Variants in INSL6 observed in about 807,000 individuals in gnomAD.
The protein encoded by INSL6 is insulin like 6.
A neutral mutation model predicts 9.4 loss-of-function variants in INSL6; 16 were observed. The ratio of observed to expected loss-of-function variants is 1.70; its 90% CI spans 1.15 to 2.59. INSL6 has a LOEUF of 2.59. Among genes scored for constraint, INSL6 ranks in the 30% most tolerant of loss-of-function variants. The pLI is 0.00. For missense variants in INSL6, 391 were observed against 257.3 expected (o/e 1.52, Z -3.56); for synonymous variants, 154 against 96.9 (o/e 1.59, Z -3.46).
At chr9:5,022,238 C>T in the INSL6 span, 1 of 1,500,016 alleles carries the variant, frequency 6.7e-7, no homozygotes, top group Non-Finnish European at 9.3e-7. Context: ...ACAGCATTTT[C>T]CTTTTTATGC....
the INSL6 span, among the ~76,000 whole-genome samples, chr9:5,006,951 A>G: frequency 6.6e-6 from 1 of 152,128 alleles, no homozygotes; most frequent in Non-Finnish European, 1.5e-5. Context: ...ACATGTTTCA[A>G]TATTGTAAGC....
chr9:5,067,150 A>C, the INSL6 span, among the ~76,000 whole-genome samples: 1 of 152,142 alleles, frequency 6.6e-6, no homozygotes, highest in African/African-American at 2.4e-5. Flanking sequence ...ATCGGAAGCA[A>C]ATTTTCTGTT....
At chr9:5,177,306 A>G (rs1246195613) in intron 1 of INSL6, among the ~76,000 whole-genome samples, 2 of 152,184 alleles carry the variant, frequency 1.3e-5, no homozygotes, top group Admixed American at 6.5e-5. Context: ...CCCTCAGCCA[A>G]GGAAAGTGGT....
At chr9:5,032,232 G>C in the INSL6 span, among the ~76,000 whole-genome samples, 3 of 152,256 alleles carry the variant, frequency 2.0e-5, no homozygotes, top group African/African-American at 4.8e-5. Context: ...GGGTTGAGTA[G>C]GTAAACAAAG....
At chr9:5,055,277 G>A in the INSL6 span, among the ~76,000 whole-genome samples, 1 of 151,904 alleles carries the variant, frequency 6.6e-6, no homozygotes, top group Non-Finnish European at 1.5e-5. Context: ...TTTATTTTAG[G>A]TTTGCATTGC....
At chr9:5,144,331 G>C (rs1034460982) in intron 2 of INSL6, among the ~76,000 whole-genome samples, 2 of 152,142 alleles carry the variant, frequency 1.3e-5, no homozygotes, top group Non-Finnish European at 2.9e-5. Flanking sequence ...TTTCTTAGTA[G>C]TGATTTCGAA....
At chr9:5,040,011 T>G in the INSL6 span, among the ~76,000 whole-genome samples, 13 of 152,166 alleles carry the variant, frequency 8.5e-5, no homozygotes, top group African/African-American at 3.1e-4. Flanking sequence ...TAAAACAATC[T>G]TGAAACAATA....
At chr9:5,112,435 CAAG>C in the INSL6 span, 3 of 517,934 alleles carry the variant, frequency 5.8e-6, no homozygotes, top group Non-Finnish European at 1.1e-5. Context: ...GCTGACCACT[CAAG>C]AGGAGAAGAA....
intron 3 of INSL6, among the ~76,000 whole-genome samples, chr9:5,125,485 T>G (rs1564028810): frequency 2.0e-5 from 3 of 151,466 alleles, no homozygotes; most frequent in African/African-American, 7.2e-5. Context: ...AACATCCTCA[T>G]GCATAAATAT....
At chr9:5,085,241 C>T in the INSL6 span, 4 of 672,794 alleles carry the variant, frequency 5.9e-6, no homozygotes, top group South Asian at 4.1e-5. Context: ...AGGACAGGAC[C>T]AGTGGCTAAC....
chr9:5,010,123 A>G, the INSL6 span, among the ~76,000 whole-genome samples: 1 of 152,038 alleles, frequency 6.6e-6, no homozygotes, highest in Non-Finnish European at 1.5e-5. Context: ...TTCTAGTCCT[A>G]TCTACTTTTG....
At chr9:5,047,055 G>A in the INSL6 span, among the ~76,000 whole-genome samples, 1 of 151,938 alleles carries the variant, frequency 6.6e-6, no homozygotes, top group Non-Finnish European at 1.5e-5. Flanking sequence ...GCATGGCAAG[G>A]TAATTCCACC....
At chr9:5,038,038 AG>A in the INSL6 span, among the ~76,000 whole-genome samples, 8 of 152,218 alleles carry the variant, frequency 5.3e-5, no homozygotes, top group Non-Finnish European at 7.3e-5. Flanking sequence ...TTTAGCACAT[AG>A]TTACAACTAT....
chr9:5,055,532 C>T, the INSL6 span: 455 of 618,604 alleles, frequency 7.4e-4, 3 homozygotes, highest in African/African-American at 7.0e-3. Context: ...GAGTAAATCA[C>T]GTTTAATGCT....
intron 2 of INSL6, among the ~76,000 whole-genome samples, chr9:5,136,749 T>C (rs1466412883): frequency 1.3e-5 from 2 of 152,184 alleles, no homozygotes; most frequent in African/African-American, 4.8e-5. Flanking sequence ...CTATTCAACA[T>C]ACTATTGGAA....
At chr9:5,122,756 G>A (rs187354599), downstream of INSL6, among the ~76,000 whole-genome samples, 5 of 151,996 alleles carry the variant, frequency 3.3e-5, no homozygotes, top group South Asian at 2.1e-4. Flanking sequence ...AGCATAAACC[G>A]TATTGTTTGT....
the INSL6 span, among the ~76,000 whole-genome samples, chr9:5,072,086 A>G: frequency 6.6e-6 from 1 of 152,198 alleles, no homozygotes; most frequent in Admixed American, 6.5e-5. Context: ...TAGCCTGTAC[A>G]AGGTCATACA....
intron 1 of INSL6, among the ~76,000 whole-genome samples, chr9:5,174,709 T>C (rs1456626302): frequency 2.0e-4 from 30 of 152,332 alleles, no homozygotes. Flanking sequence ...AAGATGACTC[T>C]TTCAAACTCC....
chr9:5,164,363 C>T (rs1255107779), intron 1 of INSL6, 98 bp from the exon 2 acceptor site: 2 of 727,540 alleles, frequency 2.7e-6, no homozygotes, highest in African/African-American at 3.6e-5. Flanking sequence ...TATTAAAAAA[C>T]AAGTAATCAC....
Sources: allele counts gnomAD v4.1 joint callset (sites outside exome capture counted in the v4.1 genomes callset), GRCh38; gene constraint gnomAD v4.1.1; transcripts MANE v1.5; gene names NCBI Gene and HGNC (gene_info 2026-07-23, HGNC 2026-07-21).